SPECC1: variants seen among roughly 807,000 people sequenced by gnomAD.
The protein encoded by SPECC1 is cytospin-B.
SPECC1 carries 62 observed loss-of-function variants against 104.1 expected under a neutral mutation model. That is an observed-to-expected ratio of 0.60 (90% CI 0.49 to 0.74). The LOEUF is 0.74. Among genes scored for constraint, SPECC1 ranks in the 30% least tolerant of loss-of-function variants. The pLI is 0.00. For synonymous variants in SPECC1, 513 were observed against 501.6 expected (o/e 1.02, Z -0.30); for missense variants, 1,306 against 1,310.5 (o/e 1.00, Z 0.05).
chr17:20,227,721 G>T, intron 5 of SPECC1, 101 bp downstream of exon 5: 2 of 1,094,480 alleles, frequency 1.8e-6, no homozygotes, highest in Non-Finnish European at 2.6e-6. Context: ...TCGAGACCCA[G>T]CCTGACCAAC....
At chr17:20,030,540 A>C (rs530501493) in intron 1 of SPECC1, among the ~76,000 whole-genome samples, 1 of 152,268 alleles carries the variant, frequency 6.6e-6, no homozygotes, top group Admixed American at 6.5e-5. Context: ...ATATATTACA[A>C]GTATATTTCT....
At chr17:20,088,048 C>T (rs993677845) in intron 1 of SPECC1, among the ~76,000 whole-genome samples, 8 of 151,980 alleles carry the variant, frequency 5.3e-5, no homozygotes, top group East Asian at 1.9e-4. Flanking sequence ...GAGCTGGGAG[C>T]GGCCCACATG....
At chr17:20,092,916 G>A (rs1298103387) in intron 1 of SPECC1, among the ~76,000 whole-genome samples, 1 of 152,198 alleles carries the variant, frequency 6.6e-6, no homozygotes, top group African/African-American at 2.4e-5. Context: ...TCTCCAGGGA[G>A]CAAAGATTAT....
intron 3 of SPECC1, among the ~76,000 whole-genome samples, chr17:20,124,466 G>T (rs1214577846): frequency 6.6e-6 from 1 of 152,124 alleles, no homozygotes; most frequent in Non-Finnish European, 1.5e-5. Flanking sequence ...CAAGGGAGGG[G>T]CCTGGGGCAG....
chr17:20,049,380 G>A (rs1567812322), intron 1 of SPECC1, among the ~76,000 whole-genome samples: 1 of 151,956 alleles, frequency 6.6e-6, no homozygotes, highest in Admixed American at 6.6e-5. Flanking sequence ...AGGAGTTTGA[G>A]CCTAACCTGG....
At chr17:20,218,285 AC>A (rs1384068638) in intron 4 of SPECC1, among the ~76,000 whole-genome samples, 1 of 147,030 alleles carries the variant, frequency 6.8e-6, no homozygotes, top group African/African-American at 2.5e-5. Context: ...TTAACTGCCC[AC>A]CCCCCAACCC....
At chr17:20,065,203 T>C (rs553743861) in intron 1 of SPECC1, among the ~76,000 whole-genome samples, 1 of 152,300 alleles carries the variant, frequency 6.6e-6, no homozygotes, top group South Asian at 2.1e-4. Context: ...TATGGGGGTT[T>C]CTCTATAGAA....
intron 4 of SPECC1, among the ~76,000 whole-genome samples, chr17:20,208,594 T>C (rs2151372423): frequency 6.6e-6 from 1 of 152,352 alleles, no homozygotes; most frequent in African/African-American, 2.4e-5. Flanking sequence ...CTGGGTCCTC[T>C]TGACTTACCC....
At chr17:20,129,725 T>TTTGTTG (rs143256718) in intron 3 of SPECC1, among the ~76,000 whole-genome samples, 1 of 151,160 alleles carries the variant, frequency 6.6e-6, no homozygotes, top group Non-Finnish European at 1.5e-5. Flanking sequence ...TAGAGCCAGT[T>TTTGTTG]TTGTTGTTGT....
intron 1 of SPECC1, among the ~76,000 whole-genome samples, chr17:20,096,217 T>C (rs1017076948): frequency 6.6e-6 from 1 of 152,256 alleles, no homozygotes; most frequent in African/African-American, 2.4e-5. Context: ...CATTTATGTT[T>C]ATTTTAAAAA....
chr17:20,203,467 A>G (rs1381527937), intron 3 of SPECC1, among the ~76,000 whole-genome samples: 1 of 152,202 alleles, frequency 6.6e-6, no homozygotes, highest in African/African-American at 2.4e-5. Context: ...TGTTACAAGT[A>G]TTCTGTATTA....
intron 7 of SPECC1, among the ~76,000 whole-genome samples, chr17:20,235,853 AC>A (rs1313932101): frequency 6.8e-6 from 1 of 146,540 alleles, no homozygotes; most frequent in African/African-American, 2.4e-5. Context: ...TGCCTATACC[AC>A]AAGTTCTTGC....
chr17:20,291,339 T>G (rs2041156423), intron 12 of SPECC1, among the ~76,000 whole-genome samples: 1 of 152,242 alleles, frequency 6.6e-6, no homozygotes. Context: ...CTGCTGGCAG[T>G]GTCCACTGCA....
intron 2 of SPECC1, among the ~76,000 whole-genome samples, chr17:20,103,794 T>C (rs2048055063): frequency 6.6e-6 from 1 of 152,164 alleles, no homozygotes. Context: ...TTTATCTCAC[T>C]GCAGGATTCA....
intron 9 of SPECC1, among the ~76,000 whole-genome samples, chr17:20,247,670 C>T (rs2039475465): frequency 6.6e-6 from 1 of 152,088 alleles, no homozygotes; most frequent in South Asian, 2.1e-4. Flanking sequence ...TAAAAGATTA[C>T]ATAATATGTG....
chr17:20,051,117 TTTCTTTCTTTCTTTCTTTCTTTCC>T lies in SPECC1; in HGVS notation c.-22+41701_-22+41724del, dbSNP rs1597617620. 5.3e-3 allele frequency among the ~76,000 whole-genome samples: 492 copies of T among 92,476 alleles called. 1 individual carries two copies. Among genetic ancestry groups the T allele is most frequent in the African/African-American group, 0.011 (298 of 28,164 alleles). The allele number at this position is 92,476 out of a possible 152,430, so 60.7% of individuals were successfully genotyped here. Reference sequence around the variant, plus strand: ...CTTTCTTTCTTTCTTTCTTTCTTTCTTTCTTTCTTTCTTTCTTTCTTTCCTTCTTTCCTTCTTTCCTTCTTTCCT... The same window carrying T: ...CTTTCTTTCTTTCTTTCTTTCTTTCTTTCTTTCCTTCTTTCCTTCTTTCCT... On this transcript the variant is annotated intron_variant, in intron 1 of 14. Transcript: ENST00000395527.
At chr17:20,140,113 C>T (rs943917399) in intron 3 of SPECC1, among the ~76,000 whole-genome samples, 1 of 152,114 alleles carries the variant, frequency 6.6e-6, no homozygotes, top group Non-Finnish European at 1.5e-5. Context: ...GGATCATTTT[C>T]GGCCCATCAA....
chr17:20,156,001 G>T, intron 3 of SPECC1: 2 of 1,283,472 alleles, frequency 1.6e-6, no homozygotes, highest in Non-Finnish European at 2.0e-6. Context: ...TGCAGATGAG[G>T]GGGCGGGGCC....
rs142218049 is a variant in SPECC1 at position 20,019,960 on chromosome 17, A to G, written c.-22+10536A>G. On this transcript the variant is annotated intron_variant, in intron 1 of 14. Coordinates refer to ENST00000395527, the MANE Select transcript of SPECC1 (RefSeq NM_001243439.2). ...AAGATTGGGAATTCCTTGAGGAATG[A>G]ACAGTAAGTCATAGTTATATACCCC... Among the ~76,000 whole-genome samples, 398 of 152,318 alleles carry G rather than the reference A, an allele frequency of 2.6e-3. 3 individuals carry two copies. Among genetic ancestry groups the G allele is most frequent in the Middle Eastern group, 0.017 (5 of 294 alleles).
Sources: gnomAD v4.1 joint callset for allele counts (sites outside exome capture counted in the v4.1 genomes callset) on GRCh38, gnomAD v4.1.1 for gene constraint, MANE v1.5 for transcripts, NCBI Gene and HGNC (gene_info 2026-07-23, HGNC 2026-07-21) for gene names.